Variants in TMEM108 observed in about 807,000 individuals in gnomAD.
TMEM108 encodes transmembrane protein 108, also known as cancer/testis antigen 124.
In TMEM108, 12 loss-of-function variants were observed where a neutral mutation model predicts 35.1. The ratio of observed to expected loss-of-function variants is 0.34; its 90% CI spans 0.22 to 0.55. The LOEUF (loss-of-function observed/expected upper bound fraction) is 0.55, where lower values mean the gene tolerates loss of function less well. Among genes scored for constraint, TMEM108 ranks in the 20% least tolerant of loss-of-function variants. The pLI is 0.89. For synonymous variants in TMEM108, 287 were observed against 308.6 expected (o/e 0.93, Z 0.73); for missense variants, 680 against 753.3 (o/e 0.90, Z 1.14).
At chr3:133,048,441 T>G (rs1943364841) in intron 2 of TMEM108, among the ~76,000 whole-genome samples, 1 of 152,246 alleles carries the variant, frequency 6.6e-6, no homozygotes. Flanking sequence ...ATATGACATG[T>G]TCTTTTGACA....
chr3:133,320,714 AT>A (rs1279617845), intron 3 of TMEM108, among the ~76,000 whole-genome samples: 1 of 152,190 alleles, frequency 6.6e-6, no homozygotes, highest in African/African-American at 2.4e-5. Context: ...CAGGTGCGTA[AT>A]CATCAGGTTA....
Position 133,384,862 on chromosome 3 carries a change from G to T in TMEM108, c.1450+3701G>T, listed in dbSNP as rs569658228. Reference sequence around the variant, plus strand: ...TGCAAGAAGATGGGGCTGTTTGGAGGGTGAGATTAGAAAAATAGACTAGCT... The same window carrying T: ...TGCAAGAAGATGGGGCTGTTTGGAGTGTGAGATTAGAAAAATAGACTAGCT... On this transcript the variant is annotated intron_variant, in intron 4 of 5. Transcript: ENST00000321871. Among the ~76,000 whole-genome samples the T allele has an allele frequency of 3.9e-5, 6 of 152,260 alleles. No individual in the cohort carries two copies. The South Asian group carries it at 1.2e-3, about 32-fold the overall frequency.
At chr3:133,379,324 A>G (rs1451378112) in intron 3 of TMEM108, among the ~76,000 whole-genome samples, 1 of 152,200 alleles carries the variant, frequency 6.6e-6, no homozygotes, top group Non-Finnish European at 1.5e-5. Flanking sequence ...TGGCTCACAC[A>G]GAGTTCACAC....
intron 2 of TMEM108, among the ~76,000 whole-genome samples, chr3:133,134,885 GT>G (rs1944542798): frequency 6.6e-6 from 1 of 151,356 alleles, no homozygotes; most frequent in Non-Finnish European, 1.5e-5. Context: ...CTCACTCCAA[GT>G]CCCCCCTACC....
At chr3:133,328,482 A>G (rs1024466245) in intron 3 of TMEM108, among the ~76,000 whole-genome samples, 2 of 152,202 alleles carry the variant, frequency 1.3e-5, no homozygotes, top group South Asian at 2.1e-4. Flanking sequence ...CAAGTCACCA[A>G]AGTACATGAG....
intron 2 of TMEM108, among the ~76,000 whole-genome samples, chr3:133,194,530 T>C (rs1945548981): frequency 6.6e-6 from 1 of 151,782 alleles, no homozygotes; most frequent in Non-Finnish European, 1.5e-5. Context: ...GAATCAAAAA[T>C]GAAAACAAAA....
intron 3 of TMEM108, among the ~76,000 whole-genome samples, chr3:133,281,643 C>A (rs1946914254): frequency 6.6e-6 from 1 of 152,176 alleles, no homozygotes. Flanking sequence ...ATGAGGCATG[C>A]TACAGTGAGC....
intron 2 of TMEM108, among the ~76,000 whole-genome samples, chr3:133,225,106 G>A (rs59775490): frequency 0.011 from 1,652 of 147,774 alleles, 38 homozygotes; most frequent in African/African-American, 0.04. Context: ...GTGCAATGGC[G>A]TGCAATCTTG....
At chr3:133,064,080 G>A (rs961431075) in intron 2 of TMEM108, among the ~76,000 whole-genome samples, 1 of 152,106 alleles carries the variant, frequency 6.6e-6, no homozygotes. Context: ...AGAAGAAAGC[G>A]GTAATGTCTG....
chr3:133,077,809 C>G (rs1159604701), intron 2 of TMEM108, among the ~76,000 whole-genome samples: 1 of 152,084 alleles, frequency 6.6e-6, no homozygotes, highest in Non-Finnish European at 1.5e-5. Context: ...GGACTCTAAT[C>G]TTTGTCTTTT....
At chr3:133,331,585 G>T (rs2071393432) in intron 3 of TMEM108, among the ~76,000 whole-genome samples, 2 of 152,116 alleles carry the variant, frequency 1.3e-5, no homozygotes, top group South Asian at 4.1e-4. Context: ...CCTCTGAAGA[G>T]CACAAGGCAT....
intron 2 of TMEM108, among the ~76,000 whole-genome samples, chr3:133,076,417 G>A (rs1943743759): frequency 6.6e-6 from 1 of 152,112 alleles, no homozygotes; most frequent in South Asian, 2.1e-4. Context: ...AGTTGAGATT[G>A]GAACTTGGGT....
At chr3:133,315,671 C>T (rs1437429648) in intron 3 of TMEM108, among the ~76,000 whole-genome samples, 2 of 152,224 alleles carry the variant, frequency 1.3e-5, no homozygotes, top group Non-Finnish European at 2.9e-5. Context: ...GCCACAGTGG[C>T]TGTAGCAAAA....
chr3:133,284,539 G>C (rs910221362), intron 3 of TMEM108, among the ~76,000 whole-genome samples: 1 of 152,160 alleles, frequency 6.6e-6, no homozygotes, highest in Admixed American at 6.5e-5. Flanking sequence ...TTCCTACCTT[G>C]TCCTCTTTGC....
chr3:133,188,428 T>A (rs1202880283), intron 2 of TMEM108, among the ~76,000 whole-genome samples: 2 of 150,820 alleles, frequency 1.3e-5, no homozygotes, highest in Non-Finnish European at 3.0e-5. Flanking sequence ...TTTGTTCCTT[T>A]TTTTTTTTTT....
At chr3:133,071,845 A>T (rs1943679579) in intron 2 of TMEM108, among the ~76,000 whole-genome samples, 1 of 152,178 alleles carries the variant, frequency 6.6e-6, no homozygotes, top group South Asian at 2.1e-4. Context: ...CATTTGATGT[A>T]GTCCCATTTG....
chr3:133,384,451 C>T (rs938119296), intron 4 of TMEM108, among the ~76,000 whole-genome samples: 2 of 127,832 alleles, frequency 1.6e-5, no homozygotes, highest in East Asian at 4.4e-4. Flanking sequence ...CCTGCCCTCC[C>T]AGATTGCAAG....
intron 3 of TMEM108, among the ~76,000 whole-genome samples, chr3:133,284,382 G>A (rs112639832): frequency 1.5e-4 from 23 of 152,322 alleles, no homozygotes; most frequent in African/African-American, 5.3e-4. Context: ...AGAAAGGGCC[G>A]TTTGTTCAAG....
At chr3:133,387,324 A>G in intron 4 of TMEM108, 4 of 985,480 alleles carry the variant, frequency 4.1e-6, no homozygotes, top group Non-Finnish European at 4.8e-6. Flanking sequence ...ATTTGAACCT[A>G]GGTCTTTCTG....
Sources: allele counts gnomAD v4.1 joint callset (sites outside exome capture counted in the v4.1 genomes callset), GRCh38; gene constraint gnomAD v4.1.1; transcripts MANE v1.5; gene names NCBI Gene and HGNC (gene_info 2026-07-23, HGNC 2026-07-21).